MALRD1: variants seen among roughly 807,000 people sequenced by gnomAD.
The protein encoded by MALRD1 is MAM and LDL receptor class A domain containing 1.
A neutral mutation model predicts 242.1 loss-of-function variants in MALRD1; 247 were observed. The observed-to-expected ratio is 1.02, with a 90% confidence interval of 0.92 to 1.13. MALRD1 has a LOEUF of 1.13. Among genes scored for constraint, MALRD1 ranks in the 50% most tolerant of loss-of-function variants. The pLI, the probability that MALRD1 is intolerant of heterozygous loss-of-function variation, is 0.00. For missense variants in MALRD1, 2,989 were observed against 2,533.1 expected, an observed-to-expected ratio of 1.18 and a Z score of -3.86; for synonymous variants, 995 against 866.6, an observed-to-expected ratio of 1.15 and a Z score of -2.60.
At chr10:19,658,604 C>G (rs753886453) in intron 36 of MALRD1, among the ~76,000 whole-genome samples, 2 of 152,092 alleles carry the variant, frequency 1.3e-5, no homozygotes, top group Non-Finnish European at 2.9e-5. Context: ...CTGTCAAAAG[C>G]TGGGCTATTT....
Position 19,352,196 on chromosome 10 carries a change from G to T in MALRD1, c.4340G>T (p.Gly1447Val), listed in dbSNP as rs780929876. The change falls in exon 26 of 40, where the codon GGT (glycine) becomes GTT (valine). Residue 1447 changes from glycine to valine, a missense_variant. Physicochemically the swap from Gly to Val is moderately radical, Grantham distance 109. Transcript: ENST00000454679. ...QLKFEGRVGK[G>V]QRGDIALDDI... Reference sequence around the variant, plus strand: ...AAATTTGAAGGTAGAGTTGGGAAAGGTCAGCGTGGAGACATTGCACTTGAT... The same window carrying T: ...AAATTTGAAGGTAGAGTTGGGAAAGTTCAGCGTGGAGACATTGCACTTGAT... 1.1e-5 allele frequency: 17 copies of T among 1,550,412 alleles called. No homozygotes were observed. In the South Asian group the frequency reaches 2.0e-4, roughly 18 times the overall value.
At chr10:19,574,995 T>C (rs959533328) in intron 33 of MALRD1, among the ~76,000 whole-genome samples, 5 of 152,176 alleles carry the variant, frequency 3.3e-5, no homozygotes, top group Admixed American at 1.3e-4. Context: ...TGCCCTTGAG[T>C]TGGATTGGAA....
At chr10:19,055,583 A>G (rs192280724) in intron 1 of MALRD1, among the ~76,000 whole-genome samples, 1 of 152,144 alleles carries the variant, frequency 6.6e-6, no homozygotes, top group Non-Finnish European at 1.5e-5. Context: ...ATTATTTTAC[A>G]TGGTGTGATT....
In MALRD1 at chr10:19,283,330, T is replaced by A. The variant is rs1840915655; in HGVS notation, c.3419+149T>A. The A allele has an allele frequency of 4.7e-6, 3 of 639,938 alleles. No homozygotes were observed. The South Asian group carries it at 1.9e-4, about 41-fold the overall frequency. The allele number at this position is 639,938 out of a possible 1,614,324, so 39.6% of individuals were successfully genotyped here. ...GGAGGCTGTTTTCTTTCATACAAAA[T>A]GGAAAAATTATCAATTAAAAAAGCA... On this transcript the variant is annotated intron_variant, in intron 21 of 39. Coordinates refer to ENST00000454679, the MANE Select transcript of MALRD1 (RefSeq NM_001142308.3).
At chr10:19,405,632 T>C (rs1240603734) in intron 28 of MALRD1, among the ~76,000 whole-genome samples, 2 of 152,096 alleles carry the variant, frequency 1.3e-5, no homozygotes, top group Admixed American at 1.3e-4. Flanking sequence ...TGATCCTAAT[T>C]AGAATCTTAG....
intron 24 of MALRD1, among the ~76,000 whole-genome samples, chr10:19,343,612 G>A (rs1337361098): frequency 6.6e-6 from 1 of 152,050 alleles, no homozygotes; most frequent in African/African-American, 2.4e-5. Flanking sequence ...TTTGAGAATA[G>A]GTCTTAAAGA....
At chr10:19,539,272 A>C (rs10128317) in intron 32 of MALRD1, among the ~76,000 whole-genome samples, 120,342 of 152,028 alleles carry the variant, frequency 0.79, 48,154 homozygotes, top group Non-Finnish European at 0.85. Flanking sequence ...AAGCTTCAGG[A>C]ATTTGTCCAA....
Position 19,719,208 on chromosome 10 carries a change from A to ATGTG in MALRD1, c.6315-11497_6315-11496insGTGT, listed in dbSNP as rs1834592560. ...TATATATACATACATATATATATAT[A>ATGTG]TATACACATACATACATATATATAT... On this transcript the variant is annotated intron_variant, in intron 38 of 39. Coordinates refer to ENST00000454679, the MANE Select transcript of MALRD1 (RefSeq NM_001142308.3). Among the ~76,000 whole-genome samples the ATGTG allele has an allele frequency of 1.0e-4, 7 of 67,798 alleles. 1 individual carries two copies. The East Asian group carries it at 2.4e-3, about 23-fold the overall frequency. The allele number at this position is 67,798 out of a possible 152,430, so 44.5% of individuals were successfully genotyped here. A position where few individuals can be genotyped will look rare whatever the true frequency, so the allele number is the denominator to read the frequency against.
Position 19,165,182 on chromosome 10 carries a change from G to C in MALRD1, c.1657-455G>C, listed in dbSNP as rs190661261. On this transcript the variant is annotated intron_variant, in intron 12 of 39. Coordinates refer to ENST00000454679, the MANE Select transcript of MALRD1 (RefSeq NM_001142308.3). Reference sequence around the variant, plus strand: ...AAACAGTGGTACTGCCCATGACTGGGTTACACATCTGGGAGAAAGGAGAAT... The same window carrying C: ...AAACAGTGGTACTGCCCATGACTGGCTTACACATCTGGGAGAAAGGAGAAT... 3.5e-5 allele frequency among the ~76,000 whole-genome samples: 5 copies of C among 144,816 alleles called. No homozygotes were observed. In the Admixed American group the frequency reaches 3.5e-4, roughly 10 times the overall value.
intron 36 of MALRD1, among the ~76,000 whole-genome samples, chr10:19,664,242 G>T (rs1019409372): frequency 6.6e-6 from 1 of 151,938 alleles, no homozygotes. Flanking sequence ...ATGGTGACTA[G>T]TTCCATCTAC....
intron 28 of MALRD1, among the ~76,000 whole-genome samples, chr10:19,436,330 C>A (rs1834350447): frequency 6.6e-6 from 1 of 152,140 alleles, no homozygotes. Flanking sequence ...TCATCTGTAT[C>A]TAAATTGATC....
intron 4 of MALRD1, among the ~76,000 whole-genome samples, chr10:19,100,158 T>C (rs891555091): frequency 6.6e-6 from 1 of 152,216 alleles, no homozygotes; most frequent in Non-Finnish European, 1.5e-5. Context: ...CATTTAAATC[T>C]GTCTAGCTAG....
chr10:19,554,944 G>C (rs961186736), intron 32 of MALRD1, among the ~76,000 whole-genome samples: 1 of 152,024 alleles, frequency 6.6e-6, no homozygotes, highest in African/African-American at 2.4e-5. Context: ...GGTATTTCTG[G>C]TTCTGGATCT....
intron 4 of MALRD1, among the ~76,000 whole-genome samples, chr10:19,101,992 A>G (rs1427539291): frequency 7.1e-6 from 1 of 140,988 alleles, no homozygotes; most frequent in African/African-American, 2.6e-5. Flanking sequence ...TTATAATATA[A>G]TTATAACATA....
chr10:19,470,600 A>AT (rs1470946392), intron 29 of MALRD1, among the ~76,000 whole-genome samples: 1 of 151,516 alleles, frequency 6.6e-6, no homozygotes, highest in Non-Finnish European at 1.5e-5. Flanking sequence ...CTCCCCTTTT[A>AT]TTTTTCAAAA....
intron 21 of MALRD1, among the ~76,000 whole-genome samples, chr10:19,320,133 C>T (rs1028066645): frequency 1.4e-5 from 2 of 144,102 alleles, no homozygotes; most frequent in African/African-American, 5.2e-5. Flanking sequence ...ATACATGTGC[C>T]ATGGTGGTTA....
At chr10:19,701,855 C>G (rs186308679) in intron 38 of MALRD1, among the ~76,000 whole-genome samples, 125 of 151,094 alleles carry the variant, frequency 8.3e-4, no homozygotes, top group African/African-American at 2.8e-3. Context: ...CCTCCCTTCT[C>G]TCTCTTCTTC....
intron 7 of MALRD1, 150 bp from the exon 8 acceptor site, chr10:19,128,071 G>A (rs1250530345): frequency 2.3e-6 from 1 of 429,306 alleles, no homozygotes. Context: ...ATTTGTAGTT[G>A]ATGTAATCAT....
intron 5 of MALRD1, among the ~76,000 whole-genome samples, chr10:19,107,509 G>A (rs1836505271): frequency 1.4e-5 from 2 of 147,226 alleles, no homozygotes; most frequent in South Asian, 4.3e-4. Flanking sequence ...TAGTTTCTCA[G>A]TCTATGGGTA....
Sources: gnomAD v4.1 joint callset for allele counts (sites outside exome capture counted in the v4.1 genomes callset) on GRCh38, gnomAD v4.1.1 for gene constraint, MANE v1.5 for transcripts, NCBI Gene and HGNC (gene_info 2026-07-23, HGNC 2026-07-21) for gene names.